Variants in FAM135B observed in about 807,000 individuals in gnomAD.
FAM135B encodes family with sequence similarity 135 member B.
A neutral mutation model predicts 127.7 loss-of-function variants in FAM135B; 43 were observed. That is an observed-to-expected ratio of 0.34 (90% confidence interval 0.26 to 0.43). FAM135B has a LOEUF of 0.43. FAM135B is among the 20% of genes least tolerant of loss of function. The pLI, the probability that FAM135B is intolerant of heterozygous loss-of-function variation, is 1.00. For synonymous variants in FAM135B, 670 were observed against 665.1 expected (o/e 1.01, Z -0.11); for missense variants, 1,558 against 1,725.6 (o/e 0.90, Z 1.72).
intron 11 of FAM135B, among the ~76,000 whole-genome samples, chr8:138,173,807 CCTT>C (rs1290333084): frequency 1.3e-5 from 2 of 151,958 alleles, no homozygotes; most frequent in Non-Finnish European, 2.9e-5. Context: ...TCGGTGTAGA[CCTT>C]CTTTTCCATC....
At chr8:138,265,346 G>A (rs1822833216) in intron 4 of FAM135B, among the ~76,000 whole-genome samples, 2 of 152,006 alleles carry the variant, frequency 1.3e-5, no homozygotes, top group Admixed American at 1.3e-4. Context: ...TTACCCAAGG[G>A]TCCCACATAG....
At chr8:138,212,651 T>C (rs1006162230) in intron 7 of FAM135B, among the ~76,000 whole-genome samples, 2 of 152,238 alleles carry the variant, frequency 1.3e-5, no homozygotes, top group African/African-American at 2.4e-5. Flanking sequence ...CAATCCACAT[T>C]TGAAAATGCT....
chr8:138,179,938 G>A (rs979216759), intron 9 of FAM135B, among the ~76,000 whole-genome samples: 12 of 152,238 alleles, frequency 7.9e-5, no homozygotes, highest in African/African-American at 2.6e-4. Flanking sequence ...GCTTCAGAGT[G>A]TTGGGATTAC....
At chr8:138,341,934 C>A in intron 2 of FAM135B, among the ~76,000 whole-genome samples, 1 of 152,090 alleles carries the variant, frequency 6.6e-6, no homozygotes, top group South Asian at 2.1e-4. Context: ...ACACACTACT[C>A]TATATACTAT....
At chr8:138,392,038 A>G (rs1832605276) in intron 1 of FAM135B, among the ~76,000 whole-genome samples, 1 of 152,210 alleles carries the variant, frequency 6.6e-6, no homozygotes, top group South Asian at 2.1e-4. Flanking sequence ...AGGGTAAGGC[A>G]TAAGACTCAA....
At position 138,197,689 on chromosome 8, in the gene FAM135B, C is replaced by G. The variant is rs2131141816; in HGVS notation, c.670-20G>C. The G allele has an allele frequency of 1.2e-6, 2 of 1,609,814 alleles. No individual in the cohort carries two copies. The highest frequency in any genetic ancestry group is 1.7e-6 in the Non-Finnish European group (2 of 1,176,532). Reference sequence around the variant, plus strand: ...GCTTCCCTAAGGGGTGAAACAGAAACAGAGGCTGAGGAATATTGCACCTGG... The same window carrying G: ...GCTTCCCTAAGGGGTGAAACAGAAAGAGAGGCTGAGGAATATTGCACCTGG... On this transcript the variant is annotated intron_variant, in intron 7 of 19. Transcript: ENST00000395297.
intron 1 of FAM135B, among the ~76,000 whole-genome samples, chr8:138,455,934 A>C (rs1359636615): frequency 1.3e-5 from 2 of 152,230 alleles, no homozygotes; most frequent in African/African-American, 4.8e-5. Flanking sequence ...CATATGCCAG[A>C]TCCAGACCTA....
intron 1 of FAM135B, among the ~76,000 whole-genome samples, chr8:138,392,640 C>T (rs146432548): frequency 6.6e-6 from 1 of 152,238 alleles, no homozygotes; most frequent in African/African-American, 2.4e-5. Flanking sequence ...AGTTTAAATC[C>T]TCTCCACCCT....
At chr8:138,203,000 CT>C (rs777383219) in intron 7 of FAM135B, among the ~76,000 whole-genome samples, 2 of 152,160 alleles carry the variant, frequency 1.3e-5, no homozygotes, top group African/African-American at 2.4e-5. Context: ...TGCCAGTTTC[CT>C]AATGAGGAAA....
intron 6 of FAM135B, among the ~76,000 whole-genome samples, chr8:138,245,166 C>G (rs781760235): frequency 6.6e-6 from 1 of 152,142 alleles, no homozygotes; most frequent in Non-Finnish European, 1.5e-5. Context: ...GTGTTTCACT[C>G]CAGCAAGGTT....
chr8:138,385,356 C>T (rs1257558507), intron 1 of FAM135B, among the ~76,000 whole-genome samples: 1 of 152,132 alleles, frequency 6.6e-6, no homozygotes, highest in Non-Finnish European at 1.5e-5. Flanking sequence ...AAAGCTGCAC[C>T]TCGTTTGTCC....
chr8:138,244,756 A>G (rs1821150685), intron 6 of FAM135B, among the ~76,000 whole-genome samples: 1 of 152,176 alleles, frequency 6.6e-6, no homozygotes, highest in South Asian at 2.1e-4. Context: ...AATAACTAAA[A>G]TAACTTGTTA....
chr8:138,337,554 A>ATT, intron 2 of FAM135B, among the ~76,000 whole-genome samples: 1 of 152,048 alleles, frequency 6.6e-6, no homozygotes, highest in Non-Finnish European at 1.5e-5. Flanking sequence ...CTTACAAGGG[A>ATT]TGTGAAGGAT....
At chr8:138,418,971 A>G (rs558513022) in intron 1 of FAM135B, among the ~76,000 whole-genome samples, 2 of 152,220 alleles carry the variant, frequency 1.3e-5, no homozygotes, top group South Asian at 4.2e-4. Context: ...ACTAGCTAAC[A>G]TAAGATAACA....
intron 2 of FAM135B, among the ~76,000 whole-genome samples, chr8:138,363,616 G>T (rs1830570506): frequency 6.6e-6 from 1 of 152,176 alleles, no homozygotes; most frequent in African/African-American, 2.4e-5. Context: ...AAGGCATGTT[G>T]ACTGTTCGCT....
chr8:138,407,876 A>G (rs7814397), intron 1 of FAM135B, among the ~76,000 whole-genome samples: 58,512 of 151,808 alleles, frequency 0.39, 11,808 homozygotes, highest in African/African-American at 0.52. Context: ...AAACACCAAA[A>G]GCAATGGCAA....
chr8:138,220,061 T>TCACACACACA (rs3221962), intron 7 of FAM135B, among the ~76,000 whole-genome samples: 6,922 of 146,336 alleles, frequency 0.047, 209 homozygotes, highest in African/African-American at 0.076. Flanking sequence ...TTGCCTAAAA[T>TCACACACACA]CACACACACA....
At chr8:138,397,074 A>G (rs560887754) in intron 1 of FAM135B, among the ~76,000 whole-genome samples, 2 of 152,268 alleles carry the variant, frequency 1.3e-5, no homozygotes, top group East Asian at 1.9e-4. Context: ...TAACCACCTA[A>G]CCAGGTAGTC....
At chr8:138,374,683 T>C (rs538838718) in intron 1 of FAM135B, among the ~76,000 whole-genome samples, 2 of 152,138 alleles carry the variant, frequency 1.3e-5, no homozygotes, top group East Asian at 3.9e-4. Flanking sequence ...GCTCTAAGGG[T>C]TGAAACAGTG....
Sources: gnomAD v4.1 joint callset for allele counts (sites outside exome capture counted in the v4.1 genomes callset) on GRCh38, gnomAD v4.1.1 for gene constraint, MANE v1.5 for transcripts, NCBI Gene and HGNC (gene_info 2026-07-23, HGNC 2026-07-21) for gene names.